Variants in ATAD2B observed in about 807,000 individuals in gnomAD.
ATAD2B encodes ATPase family AAA domain containing 2B, also known as ATPase family AAA domain-containing protein 2B.
In ATAD2B, 40 loss-of-function variants were observed where a neutral mutation model predicts 167.6. That is an observed-to-expected ratio of 0.24 (90% CI 0.19 to 0.31). The LOEUF (loss-of-function observed/expected upper bound fraction) is 0.31, where lower values mean the gene tolerates loss of function less well. Among genes scored for constraint, ATAD2B ranks in the 10% least tolerant of loss-of-function variants. The pLI, the probability that ATAD2B is intolerant of heterozygous loss-of-function variation, is 1.00. For missense variants in ATAD2B, 1,242 were observed against 1,757.2 expected (o/e 0.71, Z 5.24); for synonymous variants, 579 against 596.5 (o/e 0.97, Z 0.43).
In ATAD2B at chr2:23,841,669, C is replaced by T. The variant is rs943149113; in HGVS notation, c.1569-7591G>A. The stretch of plus-strand genomic sequence containing the variant: ...TAGGTGGGACCAGATACACAGGCCA[C>T]GACACTCAGCTAATTTTTTTATTAT... On this transcript the variant is annotated intron_variant, in intron 13 of 27. Transcript: ENST00000238789. 3.9e-5 allele frequency among the ~76,000 whole-genome samples: 6 copies of T among 152,122 alleles called. No individual in the cohort carries two copies. The East Asian group carries it at 5.8e-4, about 15-fold the overall frequency.
At chr2:23,844,188 C>T (rs1031177905) in intron 13 of ATAD2B, among the ~76,000 whole-genome samples, 1 of 152,164 alleles carries the variant, frequency 6.6e-6, no homozygotes, top group Non-Finnish European at 1.5e-5. Flanking sequence ...GATACACACG[C>T]CTCGGCCTCC....
At position 23,757,681 on chromosome 2, in the gene ATAD2B, G is replaced by T. The variant is rs776705619; in HGVS notation, c.3815C>A (p.Ala1272Asp). 1 of 1,613,622 alleles carries T rather than the reference G, an allele frequency of 6.2e-7. No individual in the cohort carries two copies. The highest frequency in any genetic ancestry group is 1.7e-4 in the Middle Eastern group (1 of 6,058). ...TATTCCTTCAAAACTGTCAGTGGAA[G>T]CCTCACCATTTAGACAATTTCCTTT... ...FLKGNCLNGEASTDSFEGIPV... is the reference protein window; with the variant it reads ...FLKGNCLNGEDSTDSFEGIPV... The change falls in exon 25 of 28, where the codon GCT (alanine) becomes GAT (aspartate). Residue 1272 changes from alanine (A) to aspartate (D), a missense_variant. Ala to Asp is a moderately radical substitution (Grantham distance 126). Coordinates refer to ENST00000238789, the MANE Select transcript of ATAD2B (RefSeq NM_017552.4).
intron 14 of ATAD2B, chr2:23,832,641 T>C (rs1435857325): frequency 6.3e-6 from 1 of 158,486 alleles, no homozygotes; most frequent in Non-Finnish European, 1.4e-5. Flanking sequence ...TATTAGACAG[T>C]GCTGTTCTAA....
chr2:23,799,588 A>AG (rs1448889354), intron 18 of ATAD2B, among the ~76,000 whole-genome samples: 4 of 145,798 alleles, frequency 2.7e-5, no homozygotes, highest in Admixed American at 6.7e-5. Context: ...AAAAAAAAAA[A>AG]AGAAAAGAAA....
chr2:23,826,813 A>G (rs1688331475), intron 15 of ATAD2B, among the ~76,000 whole-genome samples: 1 of 152,158 alleles, frequency 6.6e-6, no homozygotes. Context: ...CCTGATATCA[A>G]TGTATGTTGA....
intron 1 of ATAD2B, among the ~76,000 whole-genome samples, chr2:23,923,285 G>A (rs965153303): frequency 6.6e-6 from 1 of 152,144 alleles, no homozygotes; most frequent in Non-Finnish European, 1.5e-5. Flanking sequence ...TCACTTATCT[G>A]CTAGTTTAGT....
rs751265937 is a variant in ATAD2B, at chr2:23,810,518, G to C, written c.2268-16C>G. The C allele has an allele frequency of 8.8e-6, 14 of 1,593,600 alleles. No individual in the cohort carries two copies. The highest frequency in any genetic ancestry group is 1.2e-5 in the Non-Finnish European group (14 of 1,164,708). On this transcript the variant is annotated splice_polypyrimidine_tract_variant and intron_variant, in intron 17 of 27. Transcript: ENST00000238789. The stretch of plus-strand genomic sequence containing the variant: ...ATATGGTGACCTGTAATACATGTAA[G>C]ACATAATTATTTCAAAGGCATACAT...
downstream of ATAD2B, among the ~76,000 whole-genome samples, chr2:23,743,773 A>C (rs914116870): frequency 2.8e-4 from 43 of 151,982 alleles, no homozygotes; most frequent in African/African-American, 9.7e-4. Flanking sequence ...ACTATGATGC[A>C]TGCCACCAAG....
chr2:23,904,637 AATG>A, intron 1 of ATAD2B, among the ~76,000 whole-genome samples: 1 of 152,058 alleles, frequency 6.6e-6, no homozygotes, highest in East Asian at 1.9e-4. Flanking sequence ...AGAGTAAGTA[AATG>A]ATGAGAGAAA....
At chr2:23,695,282 G>A in the ATAD2B span, among the ~76,000 whole-genome samples, 210 of 152,072 alleles carry the variant, frequency 1.4e-3, 2 homozygotes, top group African/African-American at 4.9e-3. The surrounding 1 kb of genome is among the most constrained non-coding windows in gnomAD (Gnocchi z 7.6). Context: ...TTAACCCCTC[G>A]CCCCTGCCCC....
At chr2:23,726,437 T>A in the ATAD2B span, among the ~76,000 whole-genome samples, 3 of 152,356 alleles carry the variant, frequency 2.0e-5, no homozygotes, top group South Asian at 6.2e-4. Context: ...GAGAAAGTAC[T>A]ATTAAGAAAA....
chr2:23,880,055 T>TAAA (rs768434692), intron 7 of ATAD2B, among the ~76,000 whole-genome samples: 1 of 129,964 alleles, frequency 7.7e-6, no homozygotes, highest in African/African-American at 2.9e-5. Flanking sequence ...ACTCTGTTTT[T>TAAA]AAAAAAAAAA....
chr2:23,807,963 T>C (rs2149517253), intron 18 of ATAD2B, among the ~76,000 whole-genome samples: 1 of 129,530 alleles, frequency 7.7e-6, no homozygotes, highest in East Asian at 2.0e-4. Flanking sequence ...ATTTATAATA[T>C]ATATATTATA....
At chr2:23,737,695 G>A in the ATAD2B span, among the ~76,000 whole-genome samples, 5 of 152,214 alleles carry the variant, frequency 3.3e-5, no homozygotes, top group African/African-American at 4.8e-5. Flanking sequence ...AAAGCTGGAC[G>A]CAGAATGACT....
intron 1 of ATAD2B, among the ~76,000 whole-genome samples, chr2:23,917,545 C>T (rs548313237): frequency 1.3e-5 from 2 of 151,888 alleles, no homozygotes; most frequent in African/African-American, 4.8e-5. Context: ...AAGATAGTAG[C>T]ACAAGTATAC....
intron 2 of ATAD2B, among the ~76,000 whole-genome samples, chr2:23,890,375 T>G (rs1573285830): frequency 6.6e-6 from 1 of 152,166 alleles, no homozygotes; most frequent in Admixed American, 6.5e-5. Flanking sequence ...TATACTATCT[T>G]GGAGAAAATT....
intron 19 of ATAD2B, among the ~76,000 whole-genome samples, 200 bp from the exon 20 acceptor site, chr2:23,788,847 T>G (rs1681210727): frequency 6.6e-6 from 1 of 152,084 alleles, no homozygotes; most frequent in Non-Finnish European, 1.5e-5. Flanking sequence ...TGGAAGAATG[T>G]CCAGTTACCC....
At position 23,750,341 on chromosome 2, in the gene ATAD2B, G is replaced by T. The variant is rs1572612899; in HGVS notation, c.*1705C>A. 1.3e-5 allele frequency: 2 copies of T among 152,058 alleles called. No individual in the cohort carries two copies. The highest frequency in any genetic ancestry group is 3.9e-4 in the East Asian group (2 of 5,192). The allele number at this position is 152,058 out of a possible 1,614,324, so 9.4% of individuals were successfully genotyped here. On this transcript the variant is annotated 3_prime_UTR_variant, in exon 28 of 28. Coordinates refer to ENST00000238789, the MANE Select transcript of ATAD2B (RefSeq NM_017552.4). ...TTAAAAAAAAATTAAGCTAGAATTA[G>T]AAGGCGTTAGATGTAAATGTAAATG...
chr2:23,914,709 G>A (rs1702791750), intron 1 of ATAD2B, among the ~76,000 whole-genome samples: 1 of 152,066 alleles, frequency 6.6e-6, no homozygotes, highest in African/African-American at 2.4e-5. Context: ...GGGCGAGGTG[G>A]CGGGCACCTG....
Sources: gnomAD v4.1 joint callset for allele counts (sites outside exome capture counted in the v4.1 genomes callset) on GRCh38, gnomAD v4.1.1 for gene constraint, Gnocchi (gnomAD v3.1) non-coding constraint, MANE v1.5 for transcripts, NCBI Gene and HGNC (gene_info 2026-07-23, HGNC 2026-07-21) for gene names.